ODAD2: variants seen among roughly 807,000 people sequenced by gnomAD.
ODAD2 encodes the protein outer dynein arm docking complex subunit 2, also known as outer dynein arm-docking complex subunit 2.
Under a neutral mutation model 106.8 loss-of-function variants are expected in ODAD2, and 89 were observed. The ratio of observed to expected loss-of-function variants is 0.83; its 90% confidence interval spans 0.70 to 0.99. The LOEUF (loss-of-function observed/expected upper bound fraction) is 0.99. Among genes scored for constraint, ODAD2 ranks in the 50% least tolerant of loss-of-function variants. ODAD2 has a pLI of 0.00. For synonymous variants in ODAD2, 404 were observed against 436.2 expected (o/e 0.93, Z 0.92); for missense variants, 1,168 against 1,238.5 (o/e 0.94, Z 0.85).
At chr10:27,895,776 T>C (rs909608545) in intron 17 of ODAD2, among the ~76,000 whole-genome samples, 1 of 152,176 alleles carries the variant, frequency 6.6e-6, no homozygotes, top group Non-Finnish European at 1.5e-5. Context: ...GTGTAAATAA[T>C]GAGATGCTAT....
At chr10:27,889,623 T>C (rs538302455) in intron 17 of ODAD2, among the ~76,000 whole-genome samples, 1 of 152,184 alleles carries the variant, frequency 6.6e-6, no homozygotes, top group African/African-American at 2.4e-5. Context: ...TGGTGTGCTG[T>C]CCCTCAGTCC....
Position 27,995,049 on chromosome 10 carries a change from T to C in ODAD2, c.94A>G (p.Lys32Glu). Residue 32 changes from lysine to glutamate, a missense_variant, in exon 2 of 20, where the codon AAA becomes GAA. Coordinates refer to ENST00000305242, the MANE Select transcript of ODAD2 (RefSeq NM_018076.5). ...EITPLNEAIL[K>E]EIIVFVESFI... is the part of the protein sequence containing the mutation. ...CTCTCCACAAACACAATAATTTCTT[T>C]CAATATCGCTTCATTTAGAGGGGTG... The C allele has an allele frequency of 1.9e-6, 3 of 1,614,174 alleles. No individual in the cohort carries two copies. The South Asian group carries it at 3.3e-5, about 18-fold the overall frequency.
chr10:27,975,053 G>A (rs985512426), intron 7 of ODAD2, among the ~76,000 whole-genome samples: 9 of 152,092 alleles, frequency 5.9e-5, no homozygotes, highest in African/African-American at 4.8e-5. Flanking sequence ...TGTTGTTGGC[G>A]TACAGGAATT....
intron 19 of ODAD2, among the ~76,000 whole-genome samples, chr10:27,814,296 C>T (rs1361618129): frequency 2.0e-5 from 3 of 152,206 alleles, no homozygotes; most frequent in Admixed American, 1.3e-4. Context: ...TCTGTGGCTC[C>T]ACCCCAGTGC....
chr10:27,943,415 G>A (rs1299453638), intron 12 of ODAD2, among the ~76,000 whole-genome samples: 2 of 151,826 alleles, frequency 1.3e-5, no homozygotes, highest in Non-Finnish European at 1.5e-5. Flanking sequence ...TAAAAACTGG[G>A]ATCATAGATA....
intron 17 of ODAD2, among the ~76,000 whole-genome samples, chr10:27,877,089 C>T (rs1373397297): frequency 6.6e-6 from 1 of 151,718 alleles, no homozygotes; most frequent in African/African-American, 2.4e-5. Flanking sequence ...GCAGTTTTAA[C>T]TTTAAGATAC....
chr10:27,934,136 C>T (rs1247381211), intron 16 of ODAD2, among the ~76,000 whole-genome samples: 1 of 152,174 alleles, frequency 6.6e-6, no homozygotes, highest in Non-Finnish European at 1.5e-5. Context: ...TAAGATGTGA[C>T]TTGCTCCTCC....
At chr10:27,970,827 C>T (rs1848798357) in intron 8 of ODAD2, among the ~76,000 whole-genome samples, 2 of 151,814 alleles carry the variant, frequency 1.3e-5, no homozygotes, top group South Asian at 4.2e-4. Flanking sequence ...AAAAAGTTAG[C>T]CAGGCGTGGT....
chr10:27,896,890 C>G (rs1245035266), intron 17 of ODAD2, among the ~76,000 whole-genome samples: 4 of 152,136 alleles, frequency 2.6e-5, no homozygotes, highest in Non-Finnish European at 5.9e-5. Context: ...AGCTGAGCTT[C>G]TAGAAAAAAC....
At chr10:27,870,552 T>C (rs1348884115) in intron 17 of ODAD2, among the ~76,000 whole-genome samples, 1 of 152,030 alleles carries the variant, frequency 6.6e-6, no homozygotes, top group Non-Finnish European at 1.5e-5. Context: ...CCCCTTCCTG[T>C]GTCCAAGTGT....
chr10:27,930,958 G>A (rs1254542831), intron 16 of ODAD2, among the ~76,000 whole-genome samples: 3 of 152,116 alleles, frequency 2.0e-5, no homozygotes, highest in Admixed American at 6.6e-5. Context: ...AAATGTCTAC[G>A]AAATGGCTGG....
chr10:27,944,050 C>T (rs1342739346), intron 12 of ODAD2, among the ~76,000 whole-genome samples, 172 bp downstream of exon 12: 1 of 152,026 alleles, frequency 6.6e-6, no homozygotes, highest in Non-Finnish European at 1.5e-5. Flanking sequence ...TTTGGACACT[C>T]ACTAATATAA....
chr10:27,978,964 C>A (rs534303971), intron 7 of ODAD2, among the ~76,000 whole-genome samples: 1 of 151,974 alleles, frequency 6.6e-6, no homozygotes. Flanking sequence ...AATCCCAGCA[C>A]TTTGGGAGGC....
At chr10:27,859,025 T>C (rs533847323) in intron 19 of ODAD2, among the ~76,000 whole-genome samples, 2 of 149,250 alleles carry the variant, frequency 1.3e-5, no homozygotes, top group Non-Finnish European at 3.0e-5. Context: ...ATGTCAGACA[T>C]TTTTACCTGG....
chr10:27,958,225 T>G (rs938039706), intron 10 of ODAD2, among the ~76,000 whole-genome samples: 1 of 152,246 alleles, frequency 6.6e-6, no homozygotes, highest in Non-Finnish European at 1.5e-5. Context: ...TGTGCAAATT[T>G]AAGTAGCACT....
In ODAD2 at chr10:27,820,715, T is replaced by G. The variant is rs11006729; in HGVS notation, c.3022-8090A>C. ...TCACATTAACCACAAGGCTTCATTC[T>G]ATATCCCATATGCTGGTTGGTTAAA... On this transcript the variant is annotated intron_variant, in intron 19 of 19. Transcript: ENST00000305242. Among the ~76,000 whole-genome samples, 10 of 152,002 alleles carry G rather than the reference T, an allele frequency of 6.6e-5. No homozygotes were observed. In the East Asian group the frequency reaches 1.9e-3, roughly 29 times the overall value.
intron 16 of ODAD2, among the ~76,000 whole-genome samples, chr10:27,927,811 G>C (rs1845356388): frequency 6.6e-6 from 1 of 151,994 alleles, no homozygotes; most frequent in South Asian, 2.1e-4. Flanking sequence ...TAATGATTGA[G>C]TTCATTCTCC....
intron 17 of ODAD2, among the ~76,000 whole-genome samples, chr10:27,863,695 C>T (rs1840236886): frequency 6.6e-6 from 1 of 152,104 alleles, no homozygotes; most frequent in African/African-American, 2.4e-5. Context: ...GAAACCTCAA[C>T]TAATATAAAG....
intron 18 of ODAD2, 126 bp downstream of exon 18, chr10:27,862,308 A>G (rs1840103357): frequency 1.7e-6 from 1 of 593,498 alleles, no homozygotes; most frequent in Admixed American, 3.4e-5. Flanking sequence ...ACCAAATCTC[A>G]TACCTCATAA....
Sources: gnomAD v4.1 joint callset for allele counts (sites outside exome capture counted in the v4.1 genomes callset) on GRCh38, gnomAD v4.1.1 for gene constraint, MANE v1.5 for transcripts, NCBI Gene and HGNC (gene_info 2026-07-23, HGNC 2026-07-21) for gene names.